The following PCNX1 variants were observed in gnomAD, a reference collection of about 807,000 sequenced individuals.
PCNX1 encodes pecanex-like protein 1.
In PCNX1, 78 loss-of-function variants were observed where a neutral mutation model predicts 242.2. The ratio of observed to expected loss-of-function variants is 0.32; its 90% CI spans 0.27 to 0.39. The LOEUF (loss-of-function observed/expected upper bound fraction) is 0.39, where lower values mean the gene tolerates loss of function less well. Among genes scored for constraint, PCNX1 ranks in the 10% least tolerant of loss-of-function variants. The pLI, the probability that PCNX1 is intolerant of heterozygous loss-of-function variation, is 1.00. For synonymous variants in PCNX1, 1,024 were observed against 1,032.9 expected, an observed-to-expected ratio of 0.99 and a Z score of 0.17; for missense variants, 2,581 against 2,856.5, an observed-to-expected ratio of 0.90 and a Z score of 2.20.
At chr14:71,089,085 A>G (rs1951683101) in intron 29 of PCNX1, 107 bp from the exon 30 acceptor site, 1 of 835,318 alleles carries the variant, frequency 1.2e-6, no homozygotes, top group Admixed American at 2.6e-5. Flanking sequence ...TGGAATCTGT[A>G]TTTTCAAAAC....
At chr14:70,913,849 G>C (rs2056035146) in intron 1 of PCNX1, among the ~76,000 whole-genome samples, 1 of 152,136 alleles carries the variant, frequency 6.6e-6, no homozygotes, top group South Asian at 2.1e-4. Flanking sequence ...AATTTATATT[G>C]CTATTGCATA....
rs987375981 is a variant in PCNX1 at position 71,068,690 on chromosome 14, T to A, written c.4853-4855T>A. Among the ~76,000 whole-genome samples the A allele has an allele frequency of 7.8e-5, 10 of 127,568 alleles. 1 individual carries two copies. Among genetic ancestry groups the A allele is most frequent in the African/African-American group, 3.1e-4 (9 of 29,250 alleles). The allele number at this position is 127,568 out of a possible 152,430, so 83.7% of individuals were successfully genotyped here. A position where few individuals can be genotyped will look rare whatever the true frequency, so the allele number is the denominator to read the frequency against. ...AGCAAAATTACAGTTATTTTTTATGTGAACATATACATGCATATATGTATG... is the reference window on the plus strand; with the variant it reads ...AGCAAAATTACAGTTATTTTTTATGAGAACATATACATGCATATATGTATG... On this transcript the variant is annotated intron_variant, in intron 26 of 35. Transcript: ENST00000304743.
chr14:71,059,482 C>G (rs975136071), intron 26 of PCNX1, among the ~76,000 whole-genome samples: 1 of 152,040 alleles, frequency 6.6e-6, no homozygotes, highest in Admixed American at 6.6e-5. Flanking sequence ...CTCCTGGGCT[C>G]AAGGGATCCT....
Position 71,057,590 on chromosome 14 carries a change from T to A in PCNX1, c.4718T>A (p.Leu1573Gln), listed in dbSNP as rs904088922. The part of the protein sequence containing the change: ...SLQHSLCGDL[L>Q]LGRWGNYSTG... Reference sequence around the variant, plus strand: ...CAGCACAGCCTCTGTGGTGATTTGCTACTAGGACGGTGGGGAAACTACAGT... The same window carrying A: ...CAGCACAGCCTCTGTGGTGATTTGCAACTAGGACGGTGGGGAAACTACAGT... Residue 1573 changes from leucine to glutamine, a missense_variant, in exon 26 of 36, where the codon CTA becomes CAA. This residue lies in a region of PCNX1 where 54 missense variants were observed against 45.3 expected (regional missense o/e 1.19). Coordinates refer to ENST00000304743, the MANE Select transcript of PCNX1 (RefSeq NM_014982.3). 1.2e-6 allele frequency: 2 copies of A among 1,613,870 alleles called. No individual in the cohort carries two copies. The highest frequency in any genetic ancestry group is 1.3e-5 in the African/African-American group (1 of 75,050).
chr14:70,976,354 CTCTT>C (rs370904774), intron 5 of PCNX1, among the ~76,000 whole-genome samples: 37,763 of 137,984 alleles, frequency 0.27, 5,040 homozygotes, highest in East Asian at 0.55. Flanking sequence ...TCCTTTGTTG[CTCTT>C]TCTTTCTTTC....
Position 70,941,930 on chromosome 14 carries a change from A to G in PCNX1, c.154-4985A>G, listed in dbSNP as rs570209892. On this transcript the variant is annotated intron_variant, in intron 1 of 35. Transcript: ENST00000304743. ...TCTGTGGGCGTGGGACCCTCCGAAC[A>G]AGGCGTGGGATATAATCTCCTGGTG... Among the ~76,000 whole-genome samples, 29 of 152,316 alleles carry G rather than the reference A, an allele frequency of 1.9e-4. No individual in the cohort carries two copies. The South Asian group carries it at 3.9e-3, about 21-fold the overall frequency.
chr14:71,100,941 G>A (rs1197113847), intron 30 of PCNX1, among the ~76,000 whole-genome samples: 2 of 152,070 alleles, frequency 1.3e-5, no homozygotes, highest in African/African-American at 4.8e-5. Context: ...GAAAATGCAG[G>A]TATTATCAAC....
At chr14:70,992,108 GC>G (rs1169358635) in intron 7 of PCNX1, among the ~76,000 whole-genome samples, 1 of 151,708 alleles carries the variant, frequency 6.6e-6, no homozygotes, top group Non-Finnish European at 1.5e-5. Context: ...GGTTTTGTTG[GC>G]CTTTGCTAAT....
At chr14:70,908,025 G>A in intron 1 of PCNX1, 22 bp downstream of exon 1, 1 of 1,549,134 alleles carries the variant, frequency 6.5e-7, no homozygotes. Context: ...GGCGGGGAGC[G>A]GGTGGCTCCT....
At position 71,103,557 on chromosome 14, in the gene PCNX1, G is replaced by A. The variant is rs74938746; in HGVS notation, c.5983G>A (p.Val1995Ile). 2 of 1,614,100 alleles carry A rather than the reference G, an allele frequency of 1.2e-6. No homozygotes were observed. Among genetic ancestry groups the A allele is most frequent in the African/African-American group, 1.3e-5 (1 of 75,012 alleles). ...CDQPIGYPIFVSPLTTSYSDS... is the reference protein window; with the variant it reads ...CDQPIGYPIFISPLTTSYSDS... ...TCAACCTATTGGCTACCCAATCTTT[G>A]TCTCACCCCTGACAACTTCTTACTC... is the stretch of plus-strand genomic sequence containing the variant. Residue 1995 changes from valine (V) to isoleucine (I), a missense_variant, in exon 32 of 36, where the codon GTC (valine) becomes ATC (isoleucine). By Grantham distance (29) the Val-to-Ile change is conservative. Transcript: ENST00000304743.
Position 71,105,275 on chromosome 14 carries a change from A to T in PCNX1, c.6136A>T (p.Asn2046Tyr). 6.2e-7 allele frequency: 1 copy of T among 1,614,048 alleles called. No homozygotes were observed. The highest frequency in any genetic ancestry group is 8.5e-7 in the Non-Finnish European group (1 of 1,179,954). ...CGGAGCTGGATGTAACAGTGGTGGC[A>T]ATATTGAAGATTCTGATACTGGAGG... ...GCGAGCNSGG[N>Y]IEDSDTGGGT... The change falls in exon 33 of 36, where the codon AAT becomes TAT. Residue 2046 changes from asparagine to tyrosine, a missense_variant. By Grantham distance (143) the Asn-to-Tyr change is moderately radical (BLOSUM62 -2). Coordinates refer to ENST00000304743, the MANE Select transcript of PCNX1 (RefSeq NM_014982.3).
At chr14:70,990,288 G>T (rs1178162941) in intron 7 of PCNX1, among the ~76,000 whole-genome samples, 1 of 152,000 alleles carries the variant, frequency 6.6e-6, no homozygotes, top group Admixed American at 6.5e-5. Context: ...AAGGCTGGGC[G>T]CTGTGGCTCA....
At chr14:71,011,858 C>T (rs1357471551) in intron 10 of PCNX1, 3 of 234,798 alleles carry the variant, frequency 1.3e-5, no homozygotes, top group Non-Finnish European at 2.4e-5. Context: ...CTCAACTATA[C>T]CCAGATATGT....
chr14:70,991,159 G>T (rs1419454773), intron 7 of PCNX1, among the ~76,000 whole-genome samples: 1 of 151,234 alleles, frequency 6.6e-6, no homozygotes, highest in African/African-American at 2.4e-5. Flanking sequence ...GTTTTTCTAG[G>T]GTTTGGAATA....
At chr14:71,007,749 T>G (rs898147375) in intron 8 of PCNX1, among the ~76,000 whole-genome samples, 30 of 152,194 alleles carry the variant, frequency 2.0e-4, no homozygotes, top group Non-Finnish European at 4.0e-4. Context: ...CATTAAAAAC[T>G]GCAATTAAAA....
At position 71,103,573 on chromosome 14, in the gene PCNX1, C is replaced by T; in HGVS notation, c.5999C>T (p.Thr2000Ile). 1.9e-6 allele frequency: 3 copies of T among 1,614,188 alleles called. No homozygotes were observed. Among genetic ancestry groups the T allele is most frequent in the Non-Finnish European group, 2.5e-6 (3 of 1,180,016 alleles). ...GYPIFVSPLT[T>I]SYSDSHEQLK... is the part of the protein sequence containing the mutation. ...CCAATCTTTGTCTCACCCCTGACAACTTCTTACTCTGACAGCCACGAACAG... is the reference window on the plus strand; with the variant it reads ...CCAATCTTTGTCTCACCCCTGACAATTTCTTACTCTGACAGCCACGAACAG... The change falls in exon 32 of 36, where the codon ACT (threonine) becomes ATT (isoleucine). Residue 2000 changes from threonine (T) to isoleucine (I), a missense_variant. Physicochemically the swap from Thr to Ile is moderately conservative, Grantham distance 89 (BLOSUM62 -1). Around this residue, in one of 9 missense-constraint regions of PCNX1, gnomAD observed 432 missense variants for 433.6 expected, o/e 1.00. Coordinates refer to ENST00000304743, the MANE Select transcript of PCNX1 (RefSeq NM_014982.3).
intron 30 of PCNX1, among the ~76,000 whole-genome samples, chr14:71,094,053 T>C (rs1346617845): frequency 6.6e-6 from 1 of 152,200 alleles, no homozygotes; most frequent in East Asian, 1.9e-4. Context: ...TTAGAGTGCA[T>C]AGGGATAGGC....
rs145390801 is a variant in PCNX1 at position 70,977,293 on chromosome 14, C to T, written c.956C>T (p.Ser319Phe). The T allele has an allele frequency of 6.2e-7, 1 of 1,614,228 alleles. No homozygotes were observed. The highest frequency in any genetic ancestry group is 8.5e-7 in the Non-Finnish European group (1 of 1,180,040). ...GLDPVSELES[S>F]KPLSGSKESL... ...GATCCAGTTAGTGAGTTAGAATCTT[C>T]CAAGCCTCTTTCTGGATCCAAAGAA... Residue 319 changes from serine (S) to phenylalanine (F), a missense_variant, in exon 6 of 36, where the codon TCC (serine) becomes TTC (phenylalanine). Around this residue, in one of 9 missense-constraint regions of PCNX1, gnomAD observed 1,204 missense variants for 1,216.7 expected, o/e 0.99. Coordinates refer to ENST00000304743, the MANE Select transcript of PCNX1 (RefSeq NM_014982.3).
In PCNX1 at chr14:71,009,709, G is replaced by A. The variant is rs1462809299; in HGVS notation, c.2705G>A (p.Arg902Lys). ...GTGAATTTTGAACCAGCAGCAAGAAGAGCATCCAATATCTGGTATGTGTGA... is the reference window on the plus strand; with the variant it reads ...GTGAATTTTGAACCAGCAGCAAGAAAAGCATCCAATATCTGGTATGTGTGA... ...SLVNFEPAAR[R>K]ASNICDTDSH... Residue 902 changes from arginine (R) to lysine (K), a missense_variant, in exon 9 of 36, where the codon AGA becomes AAA. Coordinates refer to ENST00000304743, the MANE Select transcript of PCNX1 (RefSeq NM_014982.3). 6.3e-7 allele frequency: 1 copy of A among 1,595,908 alleles called. No homozygotes were observed. Among genetic ancestry groups the A allele is most frequent in the South Asian group, 1.1e-5 (1 of 89,520 alleles).
Sources: allele counts gnomAD v4.1 joint callset (sites outside exome capture counted in the v4.1 genomes callset), GRCh38; gene constraint gnomAD v4.1.1; regional missense constraint gnomAD v4.1.1; transcripts MANE v1.5; gene names NCBI Gene and HGNC (gene_info 2026-07-23, HGNC 2026-07-21).